PIBF1: variants seen among roughly 807,000 people sequenced by gnomAD.
PIBF1 encodes the protein progesterone-induced-blocking factor 1.
A neutral mutation model predicts 112.5 loss-of-function variants in PIBF1; 90 were observed. The observed-to-expected ratio is 0.80, with a 90% CI of 0.67 to 0.95. PIBF1 has a LOEUF of 0.95. Among genes scored for constraint, PIBF1 ranks in the 40% least tolerant of loss-of-function variants. The pLI, the probability that PIBF1 is intolerant of heterozygous loss-of-function variation, is 0.00. For synonymous variants in PIBF1, 301 were observed against 288.6 expected (o/e 1.04, Z -0.44); for missense variants, 915 against 852.3 (o/e 1.07, Z -0.92).
At chr13:72,923,692 C>T (rs2041377141) in intron 13 of PIBF1, among the ~76,000 whole-genome samples, 2 of 152,190 alleles carry the variant, frequency 1.3e-5, no homozygotes, top group African/African-American at 4.8e-5. Flanking sequence ...GGGCCAGGCA[C>T]GGTGGCTCAC....
At chr13:72,919,520 A>G (rs553212210) in intron 13 of PIBF1, among the ~76,000 whole-genome samples, 6 of 152,320 alleles carry the variant, frequency 3.9e-5, no homozygotes, top group East Asian at 1.9e-4. Flanking sequence ...TCTTAGTCCA[A>G]TGTTGCCTAA....
intron 16 of PIBF1, among the ~76,000 whole-genome samples, chr13:72,989,856 G>T (rs1305998914): frequency 6.6e-6 from 1 of 151,942 alleles, no homozygotes; most frequent in African/African-American, 2.4e-5. Flanking sequence ...TGGAAAGTGG[G>T]GACTCAGTAT....
At position 72,860,622 on chromosome 13, in the gene PIBF1, A is replaced by G. The variant is rs183658051; in HGVS notation, c.1322+6467A>G. On this transcript the variant is annotated intron_variant, in intron 10 of 17. Coordinates refer to ENST00000326291, the MANE Select transcript of PIBF1 (RefSeq NM_006346.4). ...AGTAAAGCCTCTGGCATGCCTATACATAATTTTCTAGTCAGGTATAATTTG... is the reference window on the plus strand; with the variant it reads ...AGTAAAGCCTCTGGCATGCCTATACGTAATTTTCTAGTCAGGTATAATTTG... 9.4e-4 allele frequency among the ~76,000 whole-genome samples: 143 copies of G among 152,258 alleles called. 1 individual carries two copies. The highest frequency in any genetic ancestry group is 1.7e-3 in the Non-Finnish European group (117 of 68,014).
At chr13:72,828,071 T>G (rs964551515) in intron 8 of PIBF1, among the ~76,000 whole-genome samples, 157 bp downstream of exon 8, 40 of 151,930 alleles carry the variant, frequency 2.6e-4, no homozygotes, top group African/African-American at 9.2e-4. Context: ...TTATTTTATT[T>G]TTTGATTTTG....
At chr13:72,923,759 G>A (rs2041380254) in intron 13 of PIBF1, among the ~76,000 whole-genome samples, 1 of 152,176 alleles carries the variant, frequency 6.6e-6, no homozygotes. Context: ...GAGGTCAGGA[G>A]TTCGAGACTA....
chr13:72,865,347 G>T (rs1371520685), intron 10 of PIBF1, among the ~76,000 whole-genome samples: 1 of 152,162 alleles, frequency 6.6e-6, no homozygotes, highest in African/African-American at 2.4e-5. Context: ...GCCCGGCACA[G>T]TTCTGGCCGT....
chr13:72,801,527 GAGAA>G (rs2035473857), intron 5 of PIBF1, among the ~76,000 whole-genome samples: 1 of 152,048 alleles, frequency 6.6e-6, no homozygotes, highest in South Asian at 2.1e-4. Flanking sequence ...TTTCAGTAGA[GAGAA>G]ATGTAAACAA....
intron 11 of PIBF1, among the ~76,000 whole-genome samples, chr13:72,900,116 A>T (rs1201950281): frequency 6.6e-6 from 1 of 152,184 alleles, no homozygotes; most frequent in Non-Finnish European, 1.5e-5. Context: ...ACACAAACAA[A>T]TGGAAACACA....
At chr13:72,827,697 T>G in intron 7 of PIBF1, 36 bp from the exon 8 acceptor site, 1 of 1,206,006 alleles carries the variant, frequency 8.3e-7, no homozygotes, top group Non-Finnish European at 1.1e-6. Flanking sequence ...TAAGATGGCA[T>G]CACTGTGGAT....
chr13:72,910,535 CTTAA>C (rs1488791972), intron 12 of PIBF1, among the ~76,000 whole-genome samples: 1 of 152,156 alleles, frequency 6.6e-6, no homozygotes, highest in African/African-American at 2.4e-5. Context: ...TAAAATTGTA[CTTAA>C]TGGTGAAATA....
In PIBF1 at chr13:72,821,829, A is replaced by G. The variant is rs752079484; in HGVS notation, c.673-20A>G. ...TTAAGTGTTTAGTCTGAAATGTGTT[A>G]TTATTCCTTTGGTTTATAGACATAT... On this transcript the variant is annotated intron_variant, in intron 5 of 17. Coordinates refer to ENST00000326291, the MANE Select transcript of PIBF1 (RefSeq NM_006346.4). The G allele has an allele frequency of 2.5e-6, 4 of 1,589,210 alleles. No individual in the cohort carries two copies. Among genetic ancestry groups the G allele is most frequent in the East Asian group, 2.3e-5 (1 of 43,880 alleles).
Position 72,801,339 on chromosome 13 carries a change from G to T in PIBF1, c.672+3313G>T, listed in dbSNP as rs151308882. Among the ~76,000 whole-genome samples the T allele has an allele frequency of 7.0e-3, 1,064 of 151,598 alleles. 10 individuals are homozygous for T. The highest frequency in any genetic ancestry group is 0.024 in the African/African-American group (978 of 41,280). ...AATTTTTTGGAGGTTTGTGACACTC[G>T]CAGATGAACTATGTAGCCTAGAAAT... On this transcript the variant is annotated intron_variant, in intron 5 of 17. Coordinates refer to ENST00000326291, the MANE Select transcript of PIBF1 (RefSeq NM_006346.4).
intron 11 of PIBF1, among the ~76,000 whole-genome samples, chr13:72,905,697 A>G (rs1169190804): frequency 6.6e-6 from 1 of 152,128 alleles, no homozygotes; most frequent in Non-Finnish European, 1.5e-5. Context: ...GCTGGTTACA[A>G]ACAAAATTGA....
intron 9 of PIBF1, among the ~76,000 whole-genome samples, chr13:72,853,251 A>G (rs903597486): frequency 1.3e-5 from 2 of 152,058 alleles, no homozygotes; most frequent in African/African-American, 4.8e-5. Context: ...TCTTTCTATC[A>G]ATTTCAGTTC....
Position 72,956,903 on chromosome 13 carries a change from CAT to C in PIBF1, c.1834-8370_1834-8369del, listed in dbSNP as rs1222558333. ...AGAAGATATACAAATGGCAAACAAA[CAT>C]GTAAAAAATGCTCAACATCACTAAT... On this transcript the variant is annotated intron_variant, in intron 14 of 17. Transcript: ENST00000326291. Among the ~76,000 whole-genome samples the C allele has an allele frequency of 9.9e-5, 15 of 152,248 alleles. 1 individual carries two copies. In the East Asian group the frequency reaches 1.5e-3, roughly 16 times the overall value.
chr13:72,926,941 CAT>C (rs2041503610), intron 13 of PIBF1, among the ~76,000 whole-genome samples: 1 of 152,120 alleles, frequency 6.6e-6, no homozygotes, highest in South Asian at 2.1e-4. Flanking sequence ...GTTTTTAATA[CAT>C]GTTTCTTCAA....
chr13:72,805,211 C>T (rs1189957777), intron 5 of PIBF1, among the ~76,000 whole-genome samples: 5 of 152,160 alleles, frequency 3.3e-5, no homozygotes, highest in South Asian at 4.1e-4. Context: ...GGCACGATCT[C>T]GGTTCACTGC....
In PIBF1 at chr13:72,894,786, T is replaced by C. The variant is rs1035630567; in HGVS notation, c.1488+837T>C. Among the ~76,000 whole-genome samples, 30 of 148,218 alleles carry C rather than the reference T, an allele frequency of 2.0e-4. 1 individual carries two copies. The highest frequency in any genetic ancestry group is 2.0e-3 in the East Asian group (10 of 5,102). The stretch of plus-strand genomic sequence containing the variant: ...TATATATATATAGTGTGTGTGTGTG[T>C]GTGTGTGTGTGTGTGTGTGTAGCTA... On this transcript the variant is annotated intron_variant, in intron 11 of 17. Transcript: ENST00000326291.
intron 10 of PIBF1, among the ~76,000 whole-genome samples, chr13:72,880,882 C>T: frequency 6.6e-6 from 1 of 152,134 alleles, no homozygotes; most frequent in Admixed American, 6.6e-5. Context: ...ATGCAGATTT[C>T]AGCTTTGCTA....
Sources: gnomAD v4.1 joint callset for allele counts (sites outside exome capture counted in the v4.1 genomes callset) on GRCh38, gnomAD v4.1.1 for gene constraint, MANE v1.5 for transcripts, NCBI Gene and HGNC (gene_info 2026-07-23, HGNC 2026-07-21) for gene names.